The following CDC42BPA variants were observed in gnomAD, a reference collection of about 807,000 sequenced individuals.
The protein encoded by CDC42BPA is CDC42 binding protein kinase alpha, also known as serine/threonine-protein kinase MRCK alpha.
Under a neutral mutation model 223.5 loss-of-function variants are expected in CDC42BPA, and 80 were observed. That is an observed-to-expected ratio of 0.36 (90% CI 0.30 to 0.43). The LOEUF (loss-of-function observed/expected upper bound fraction) is 0.43. Ranked by LOEUF, CDC42BPA falls within the 20% of genes least tolerant of loss-of-function variation. The pLI is 1.00. For missense variants in CDC42BPA, 1,743 were observed against 2,099.9 expected (o/e 0.83, Z 3.32); for synonymous variants, 694 against 718.6 (o/e 0.97, Z 0.55).
At chr1:227,247,797 G>A (rs1456560236) in intron 2 of CDC42BPA, among the ~76,000 whole-genome samples, 3 of 151,896 alleles carry the variant, frequency 2.0e-5, no homozygotes, top group Admixed American at 6.6e-5. Context: ...CAGGAGAATC[G>A]CTTGAACCTG....
intron 1 of CDC42BPA, among the ~76,000 whole-genome samples, chr1:227,275,986 C>G (rs987654822): frequency 1.3e-5 from 2 of 152,204 alleles, no homozygotes; most frequent in African/African-American, 2.4e-5. Flanking sequence ...CCTTGGCCTC[C>G]CAAAGTGCCG....
chr1:227,313,199 T>A (rs374109365), intron 1 of CDC42BPA, among the ~76,000 whole-genome samples: 1 of 152,148 alleles, frequency 6.6e-6, no homozygotes, highest in Non-Finnish European at 1.5e-5. Context: ...AAATTACTAA[T>A]GAACATCAAG....
intron 34 of CDC42BPA, among the ~76,000 whole-genome samples, chr1:227,006,931 G>GA (rs1478856357): frequency 2.7e-4 from 3 of 11,002 alleles, no homozygotes; most frequent in South Asian, 7.1e-4. Context: ...CACTCACTCT[G>GA]CAGAGTGAGA....
chr1:227,297,963 C>G (rs61834321), intron 1 of CDC42BPA, among the ~76,000 whole-genome samples: 1 of 138,130 alleles, frequency 7.2e-6, no homozygotes, highest in Non-Finnish European at 1.6e-5. Context: ...TGTATATATA[C>G]ATATACACAC....
At chr1:227,037,427 C>A (rs1171977969) in intron 24 of CDC42BPA, among the ~76,000 whole-genome samples, 1 of 152,196 alleles carries the variant, frequency 6.6e-6, no homozygotes, top group Non-Finnish European at 1.5e-5. Context: ...TAACCCTGAA[C>A]ATTTTATTTG....
At chr1:227,019,761 G>C (rs965757886) in intron 32 of CDC42BPA, among the ~76,000 whole-genome samples, 3 of 152,162 alleles carry the variant, frequency 2.0e-5, no homozygotes, top group African/African-American at 7.2e-5. Context: ...GTAATATTTT[G>C]AAAGAAGTAT....
At chr1:227,278,119 G>C (rs1340873763) in intron 1 of CDC42BPA, among the ~76,000 whole-genome samples, 1 of 152,182 alleles carries the variant, frequency 6.6e-6, no homozygotes, top group Non-Finnish European at 1.5e-5. Flanking sequence ...AGGCCACTAA[G>C]ACTGACTTTA....
intron 1 of CDC42BPA, among the ~76,000 whole-genome samples, chr1:227,295,817 G>A (rs1243234476): frequency 6.6e-6 from 1 of 152,148 alleles, no homozygotes; most frequent in Non-Finnish European, 1.5e-5. Context: ...TGCAGCAGAC[G>A]GGAATAAAGT....
intron 5 of CDC42BPA, among the ~76,000 whole-genome samples, chr1:227,175,079 G>C (rs1666727844): frequency 6.6e-6 from 1 of 151,812 alleles, no homozygotes; most frequent in Non-Finnish European, 1.5e-5. Context: ...AATTCATTAT[G>C]GAACACAGTG....
rs1489610426 is a variant in CDC42BPA, at chr1:227,101,066, T to G, written c.2175A>C (p.Ser725=). Residue 725 remains serine, a synonymous_variant, in exon 15 of 37, where the codon TCA becomes TCC. Coordinates refer to ENST00000366766, the MANE Select transcript of CDC42BPA (RefSeq NM_001394014.1). ...TGTTGAGAGCAAGTTGCTGACCTTC[T>G]GAATCATGCAGTTCTTTCTTAAGAT... is the stretch of plus-strand genomic sequence containing the variant. ...IKNLKKELHD[S]EGQQLALNKE... is the part of the protein sequence containing the mutation. 6.4e-7 allele frequency: 1 copy of G among 1,574,008 alleles called. No homozygotes were observed. Among genetic ancestry groups the G allele is most frequent in the Non-Finnish European group, 8.7e-7 (1 of 1,144,470 alleles).
chr1:227,267,651 G>C (rs1685223128), intron 1 of CDC42BPA, among the ~76,000 whole-genome samples: 1 of 152,158 alleles, frequency 6.6e-6, no homozygotes, highest in Admixed American at 6.5e-5. Context: ...GTTCCACATG[G>C]CTGGGGAGGC....
chr1:227,273,526 ACT>A (rs1171797371), intron 1 of CDC42BPA, among the ~76,000 whole-genome samples: 14 of 145,712 alleles, frequency 9.6e-5, no homozygotes, highest in Non-Finnish European at 1.5e-5. Context: ...CAAGAGCGAA[ACT>A]CTGTCTCAAA....
intron 2 of CDC42BPA, among the ~76,000 whole-genome samples, chr1:227,219,723 G>A (rs1675499444): frequency 6.6e-6 from 1 of 152,036 alleles, no homozygotes; most frequent in Non-Finnish European, 1.5e-5. Context: ...CATCTTGGAG[G>A]AAATGATTAT....
intron 10 of CDC42BPA, among the ~76,000 whole-genome samples, chr1:227,134,735 C>T (rs189172331): frequency 5.4e-4 from 82 of 152,218 alleles, no homozygotes; most frequent in Middle Eastern, 3.4e-3. Flanking sequence ...AGTATTCATA[C>T]CAAAAGGCAA....
chr1:227,027,283 G>C (rs928872845), intron 30 of CDC42BPA, among the ~76,000 whole-genome samples: 2 of 152,160 alleles, frequency 1.3e-5, no homozygotes, highest in Non-Finnish European at 2.9e-5. Flanking sequence ...CTTTTGTCCT[G>C]TTCACGCAGA....
chr1:227,169,031 T>C (rs1665646423), intron 5 of CDC42BPA, among the ~76,000 whole-genome samples: 1 of 152,088 alleles, frequency 6.6e-6, no homozygotes. Context: ...CTTCAAGTCT[T>C]TACTTTGTCA....
intron 2 of CDC42BPA, among the ~76,000 whole-genome samples, chr1:227,232,328 C>T (rs191406281): frequency 6.6e-6 from 1 of 152,174 alleles, no homozygotes; most frequent in Admixed American, 6.5e-5. Flanking sequence ...TATTCTGTTC[C>T]ATTAGTCTGT....
At chr1:227,229,966 T>C (rs1489493191) in intron 2 of CDC42BPA, among the ~76,000 whole-genome samples, 3 of 152,218 alleles carry the variant, frequency 2.0e-5, no homozygotes, top group Non-Finnish European at 2.9e-5. Context: ...ACTGATTTGA[T>C]TGCAACTGAG....
At position 227,245,284 on chromosome 1, in the gene CDC42BPA, C is replaced by CTTTT. The variant is rs759666049; in HGVS notation, c.270+8776_270+8779dup. ...GAGTAAAGAGGACTTTGTCTTGCAT[C>CTTTT]TTTTTTTTTTTTTTTTTTTTTTTGA... On this transcript the variant is annotated intron_variant, in intron 2 of 36. Transcript: ENST00000366766. 1.7e-3 allele frequency among the ~76,000 whole-genome samples: 139 copies of CTTTT among 81,770 alleles called. 2 individuals carry two copies. The highest frequency in any genetic ancestry group is 2.2e-3 in the Non-Finnish European group (94 of 43,290). 53.6% of individuals were successfully genotyped at this position (81,770 alleles called of 152,430 possible).
Sources: allele counts gnomAD v4.1 joint callset (sites outside exome capture counted in the v4.1 genomes callset), GRCh38; gene constraint gnomAD v4.1.1; transcripts MANE v1.5; gene names NCBI Gene and HGNC (gene_info 2026-07-23, HGNC 2026-07-21).